XKR9: variants seen among roughly 807,000 people sequenced by gnomAD.
The protein encoded by XKR9 is XK related 9.
A neutral mutation model predicts 32.0 loss-of-function variants in XKR9; 32 were observed. That is an observed-to-expected ratio of 1.00 (90% CI 0.76 to 1.34). The LOEUF (loss-of-function observed/expected upper bound fraction) is 1.34. XKR9 is among the 40% of genes most tolerant of loss of function. The probability of loss-of-function intolerance (pLI) is 0.00; values close to 1 mark genes in which losing one functional copy is unlikely to be tolerated. For missense variants in XKR9, 546 were observed against 429.7 expected (o/e 1.27, Z -2.39); for synonymous variants, 168 against 143.4 (o/e 1.17, Z -1.22).
chr8:70,869,855 T>C, the XKR9 span, among the ~76,000 whole-genome samples: 1 of 152,182 alleles, frequency 6.6e-6, no homozygotes, highest in Non-Finnish European at 1.5e-5. Flanking sequence ...TATAGTACCT[T>C]AGGCAAGTGT....
the XKR9 span, among the ~76,000 whole-genome samples, chr8:71,046,140 A>G: frequency 6.6e-6 from 1 of 152,230 alleles, no homozygotes; most frequent in African/African-American, 2.4e-5. Flanking sequence ...ATTTCTGAAA[A>G]TAAAAACCAA....
chr8:71,051,390 A>T, the XKR9 span, among the ~76,000 whole-genome samples: 1 of 152,200 alleles, frequency 6.6e-6, no homozygotes, highest in African/African-American at 2.4e-5. Context: ...TACAGATGGT[A>T]TTAGCATTAA....
intron 4 of XKR9, among the ~76,000 whole-genome samples, chr8:70,710,773 T>G (rs1319617607): frequency 6.6e-6 from 1 of 150,986 alleles, no homozygotes; most frequent in Non-Finnish European, 1.5e-5. Context: ...AAAAAAAAAG[T>G]TGACAGGTGT....
At chr8:70,995,688 T>G in the XKR9 span, among the ~76,000 whole-genome samples, 1 of 151,868 alleles carries the variant, frequency 6.6e-6, no homozygotes, top group African/African-American at 2.4e-5. Flanking sequence ...ACAATTAAAA[T>G]TTTTTTTTCT....
chr8:70,898,900 T>C, the XKR9 span, among the ~76,000 whole-genome samples: 2 of 152,132 alleles, frequency 1.3e-5, no homozygotes, highest in Non-Finnish European at 2.9e-5. Flanking sequence ...TGATCTCCTA[T>C]ATGTGATATG....
chr8:70,849,865 C>T, the XKR9 span, among the ~76,000 whole-genome samples: 1 of 152,080 alleles, frequency 6.6e-6, no homozygotes, highest in Admixed American at 6.5e-5. Context: ...GCTGGAAAAT[C>T]TAGAAGAAAT....
At chr8:71,054,886 T>A in the XKR9 span, among the ~76,000 whole-genome samples, 1 of 152,226 alleles carries the variant, frequency 6.6e-6, no homozygotes, top group Non-Finnish European at 1.5e-5. Flanking sequence ...GACAAATTGT[T>A]ACCTAAGAGT....
intron 2 of XKR9, among the ~76,000 whole-genome samples, chr8:70,768,171 G>A (rs915151748): frequency 6.6e-6 from 1 of 152,026 alleles, no homozygotes; most frequent in Non-Finnish European, 1.5e-5. Context: ...CCTTAATTTT[G>A]TTATTTACCT....
chr8:70,700,911 T>C (rs947169968), intron 3 of XKR9, among the ~76,000 whole-genome samples: 2 of 152,220 alleles, frequency 1.3e-5, no homozygotes, highest in Non-Finnish European at 2.9e-5. Flanking sequence ...CCCCCAGCCT[T>C]GCTGCTGCCT....
At chr8:70,670,984 A>G (rs1818696434) in intron 1 of XKR9, among the ~76,000 whole-genome samples, 1 of 152,192 alleles carries the variant, frequency 6.6e-6, no homozygotes, top group Admixed American at 6.5e-5. Context: ...CAGATTCCTG[A>G]GAATCTGGGC....
At chr8:70,799,791 A>T in the XKR9 span, among the ~76,000 whole-genome samples, 1 of 152,130 alleles carries the variant, frequency 6.6e-6, no homozygotes, top group Non-Finnish European at 1.5e-5. Context: ...TAGATATAGG[A>T]TCATGTCATC....
At chr8:70,749,914 A>G (rs770100114) in intron 2 of XKR9, among the ~76,000 whole-genome samples, 1 of 152,238 alleles carries the variant, frequency 6.6e-6, no homozygotes, top group Non-Finnish European at 1.5e-5. Context: ...TAGAAAATAT[A>G]ATCTACTGAG....
At chr8:71,036,023 T>C in the XKR9 span, among the ~76,000 whole-genome samples, 1 of 152,282 alleles carries the variant, frequency 6.6e-6, no homozygotes, top group African/African-American at 2.4e-5. Context: ...TTATTTATCC[T>C]TTTACATGAC....
intron 4 of XKR9, among the ~76,000 whole-genome samples, chr8:70,730,187 G>T (rs902511225): frequency 6.6e-6 from 1 of 151,770 alleles, no homozygotes; most frequent in African/African-American, 2.4e-5. Context: ...ACCCAAAGGG[G>T]CAAAAAAACC....
chr8:70,715,940 C>G (rs1481040069), intron 4 of XKR9, among the ~76,000 whole-genome samples: 1 of 151,560 alleles, frequency 6.6e-6, no homozygotes, highest in African/African-American at 2.4e-5. Context: ...AAATTTTTTT[C>G]AGGAAGGCCT....
intron 2 of XKR9, among the ~76,000 whole-genome samples, chr8:70,776,100 T>C (rs1807516457): frequency 6.6e-6 from 1 of 152,124 alleles, no homozygotes; most frequent in Non-Finnish European, 1.5e-5. Context: ...GGGAAAGCCC[T>C]GTTTCACAAA....
the XKR9 span, among the ~76,000 whole-genome samples, chr8:70,856,044 C>G: frequency 1.3e-5 from 2 of 152,092 alleles, no homozygotes; most frequent in Admixed American, 1.3e-4. Context: ...TAAAGACCAT[C>G]GAGGCTAGGA....
At chr8:70,935,295 C>T in the XKR9 span, among the ~76,000 whole-genome samples, 1 of 151,204 alleles carries the variant, frequency 6.6e-6, no homozygotes, top group African/African-American at 2.4e-5. Context: ...TTGAGTTTTA[C>T]TTACTTAAAA....
exon 3 of XKR9, chr8:70,789,451 A>T (rs1478468567): frequency 1.3e-5 from 2 of 152,094 alleles, no homozygotes; most frequent in African/African-American, 2.4e-5. Flanking sequence ...AGAAAGCTCC[A>T]GTTCAAGCCT....
Sources: allele counts gnomAD v4.1 joint callset (sites outside exome capture counted in the v4.1 genomes callset), GRCh38; gene constraint gnomAD v4.1.1; transcripts MANE v1.5; gene names NCBI Gene and HGNC (gene_info 2026-07-23, HGNC 2026-07-21).